Variants in OBI1 observed in about 807,000 individuals in gnomAD.
OBI1 encodes the protein ring finger protein 219.
In OBI1, 59 loss-of-function variants were observed where a neutral mutation model predicts 62.4. The observed-to-expected ratio is 0.95, with a 90% CI of 0.77 to 1.17. OBI1 has a LOEUF of 1.17. Among genes scored for constraint, OBI1 ranks in the 50% most tolerant of loss-of-function variants. The pLI is 0.00. For synonymous variants in OBI1, 302 were observed against 292.8 expected (o/e 1.03, Z -0.32); for missense variants, 875 against 830.9 (o/e 1.05, Z -0.65).
intron 5 of OBI1, among the ~76,000 whole-genome samples, chr13:78,633,849 C>T (rs1208597725): frequency 6.6e-6 from 1 of 152,070 alleles, no homozygotes; most frequent in East Asian, 2.0e-4. Context: ...GGGTGGATCA[C>T]GAGGTCAGGA....
chr13:78,630,341 A>C (rs1875807266), intron 5 of OBI1, among the ~76,000 whole-genome samples: 1 of 152,144 alleles, frequency 6.6e-6, no homozygotes, highest in Non-Finnish European at 1.5e-5. Flanking sequence ...TTTACTCATA[A>C]CACATATTCA....
intron 2 of OBI1, among the ~76,000 whole-genome samples, chr13:78,642,909 C>T (rs945298756): frequency 3.9e-5 from 6 of 151,990 alleles, no homozygotes; most frequent in Non-Finnish European, 8.8e-5. Flanking sequence ...AGTATTACTG[C>T]TATATACCTA....
At chr13:78,626,306 C>T (rs1299813018) in intron 5 of OBI1, among the ~76,000 whole-genome samples, 2 of 152,114 alleles carry the variant, frequency 1.3e-5, no homozygotes, top group Admixed American at 1.3e-4. Context: ...GGACTCTTTC[C>T]TTCTGTAAGA....
In OBI1 at chr13:78,615,564, A is replaced by C; in HGVS notation, c.*16T>G. On this transcript the variant is annotated 3_prime_UTR_variant, in exon 6 of 6. Coordinates refer to ENST00000282003, the MANE Select transcript of OBI1 (RefSeq NM_024546.4). ...TTCTCTCAGGACAAAACCACAAATGACACCTTTCTAATGAGTCAACTTTTA... is the reference window on the plus strand; with the variant it reads ...TTCTCTCAGGACAAAACCACAAATGCCACCTTTCTAATGAGTCAACTTTTA... 1.3e-6 allele frequency: 2 copies of C among 1,542,932 alleles called. No homozygotes were observed. The highest frequency in any genetic ancestry group is 1.8e-6 in the Non-Finnish European group (2 of 1,142,546).
intron 1 of OBI1, among the ~76,000 whole-genome samples, chr13:78,648,768 C>T (rs1287684301): frequency 6.6e-6 from 1 of 152,012 alleles, no homozygotes; most frequent in East Asian, 1.9e-4. Flanking sequence ...ACAAAATTAG[C>T]AGGTCTTAGT....
intron 5 of OBI1, among the ~76,000 whole-genome samples, chr13:78,625,706 A>AG (rs1163287990): frequency 6.6e-6 from 1 of 152,226 alleles, no homozygotes; most frequent in East Asian, 1.9e-4. Flanking sequence ...CAGGCAGCCA[A>AG]GGGGCCTGAG....
chr13:78,622,487 G>A (rs1182759487), intron 5 of OBI1, among the ~76,000 whole-genome samples: 14 of 152,172 alleles, frequency 9.2e-5, no homozygotes, highest in Admixed American at 8.5e-4. Context: ...GAGAAAGAAT[G>A]ATCCATTCAT....
At chr13:78,651,611 T>C (rs559187804) in intron 1 of OBI1, among the ~76,000 whole-genome samples, 41 of 151,856 alleles carry the variant, frequency 2.7e-4, no homozygotes, top group African/African-American at 9.9e-4. Context: ...CTCCTGACAG[T>C]AATAAAAAAA....
At position 78,614,569 on chromosome 13, in the gene OBI1, C is replaced by T. The variant is rs1875180963; in HGVS notation, c.*1011G>A. On this transcript the variant is annotated 3_prime_UTR_variant, in exon 6 of 6. Coordinates refer to ENST00000282003, the MANE Select transcript of OBI1 (RefSeq NM_024546.4). The stretch of plus-strand genomic sequence containing the variant: ...AGATATTCTATCAGCCAACTGAAAC[C>T]TCTTTTTCTTAAGTATGGAAAACAC... 1 of 152,634 alleles carries T rather than the reference C, an allele frequency of 6.6e-6. No homozygotes were observed. The highest frequency in any genetic ancestry group is 6.5e-5 in the Admixed American group (1 of 15,282). The allele number at this position is 152,634 out of a possible 1,614,324, so 9.5% of individuals were successfully genotyped here.
chr13:78,631,547 C>T (rs1479745283), intron 5 of OBI1, among the ~76,000 whole-genome samples: 5 of 152,136 alleles, frequency 3.3e-5, no homozygotes, highest in African/African-American at 1.2e-4. Context: ...AAGATCAAAT[C>T]CAAATCTCTT....
At chr13:78,658,249 TTATC>T (rs1048842036) in intron 1 of OBI1, among the ~76,000 whole-genome samples, 1 of 148,632 alleles carries the variant, frequency 6.7e-6, no homozygotes, top group Admixed American at 6.8e-5. Flanking sequence ...TTCCCCTTCT[TTATC>T]TATTCGGTAA....
chr13:78,631,258 G>A (rs1875839807), intron 5 of OBI1, among the ~76,000 whole-genome samples: 1 of 152,070 alleles, frequency 6.6e-6, no homozygotes, highest in Non-Finnish European at 1.5e-5. Context: ...ACATATTATA[G>A]CCCTTGCTCA....
At chr13:78,657,402 A>G (rs534701097) in intron 1 of OBI1, among the ~76,000 whole-genome samples, 1 of 152,330 alleles carries the variant, frequency 6.6e-6, no homozygotes, top group South Asian at 2.1e-4. Context: ...TGAAGACTCA[A>G]AGTCTTAGTA....
intron 1 of OBI1, among the ~76,000 whole-genome samples, chr13:78,653,352 G>A (rs1400549346): frequency 6.6e-6 from 1 of 152,128 alleles, no homozygotes; most frequent in Non-Finnish European, 1.5e-5. Context: ...GTCCCTGGGG[G>A]ACAAAATCTA....
At chr13:78,637,366 A>T (rs1423873732) in intron 4 of OBI1, among the ~76,000 whole-genome samples, 2 of 152,330 alleles carry the variant, frequency 1.3e-5, no homozygotes, top group Middle Eastern at 6.8e-3. Flanking sequence ...TATCCCAAAG[A>T]ATTCTGAAGT....
chr13:78,627,528 T>G (rs1396458937), intron 5 of OBI1, among the ~76,000 whole-genome samples: 3 of 152,158 alleles, frequency 2.0e-5, no homozygotes, highest in African/African-American at 7.2e-5. Flanking sequence ...CATGTGATGT[T>G]TAGTTTTCTG....
At chr13:78,647,243 TA>T (rs1230641155) in intron 1 of OBI1, among the ~76,000 whole-genome samples, 1 of 152,290 alleles carries the variant, frequency 6.6e-6, no homozygotes, top group Non-Finnish European at 1.5e-5. Context: ...GGAGGATTAG[TA>T]AAAGGGGAAG....
chr13:78,623,324 G>C (rs998080331), intron 5 of OBI1, among the ~76,000 whole-genome samples: 9 of 147,372 alleles, frequency 6.1e-5, no homozygotes, highest in Admixed American at 2.0e-4. Flanking sequence ...CCGAAAGTAA[G>C]TGTAACAAAT....
intron 1 of OBI1, among the ~76,000 whole-genome samples, chr13:78,645,460 T>C (rs1286435605): frequency 6.6e-6 from 1 of 152,214 alleles, no homozygotes; most frequent in African/African-American, 2.4e-5. Flanking sequence ...ATTGTATTGA[T>C]ACTTTACTAG....
Sources: allele counts gnomAD v4.1 joint callset (sites outside exome capture counted in the v4.1 genomes callset), GRCh38; gene constraint gnomAD v4.1.1; transcripts MANE v1.5; gene names NCBI Gene and HGNC (gene_info 2026-07-23, HGNC 2026-07-21).